The following RAD21L1 variants were observed in gnomAD, a reference collection of about 807,000 sequenced individuals.
The protein encoded by RAD21L1 is double-strand-break repair protein rad21-like protein 1.
RAD21L1 carries 47 observed loss-of-function variants against 69.0 expected under a neutral mutation model. The ratio of observed to expected loss-of-function variants is 0.68; its 90% CI spans 0.54 to 0.87. The LOEUF (loss-of-function observed/expected upper bound fraction) is 0.87. Among genes scored for constraint, RAD21L1 ranks in the 40% least tolerant of loss-of-function variants. The probability of loss-of-function intolerance (pLI) is 0.00; values close to 1 mark genes in which losing one functional copy is unlikely to be tolerated. For synonymous variants in RAD21L1, 177 were observed against 205.8 expected (o/e 0.86, Z 1.20); for missense variants, 583 against 647.6 (o/e 0.90, Z 1.08).
At chr20:1,249,567 A>G (rs1012671511) in intron 13 of RAD21L1, among the ~76,000 whole-genome samples, 2 of 152,210 alleles carry the variant, frequency 1.3e-5, no homozygotes, top group African/African-American at 4.8e-5. Context: ...TACTCCAATC[A>G]GTAACAAAAT....
At chr20:1,234,596 A>G (rs1023420107) in intron 5 of RAD21L1, among the ~76,000 whole-genome samples, 2 of 152,240 alleles carry the variant, frequency 1.3e-5, no homozygotes, top group African/African-American at 4.8e-5. Context: ...TTCTTCTGGT[A>G]TATGATAATA....
At position 1,237,848 on chromosome 20, in the gene RAD21L1, G is replaced by A. The variant is rs373480338; in HGVS notation, c.476-196G>A. Reference sequence around the variant, plus strand: ...CATTTTTTCCATTGTATTTGAAAGGGCATTAGACTAAAAATCATGTCTCTA... The same window carrying A: ...CATTTTTTCCATTGTATTTGAAAGGACATTAGACTAAAAATCATGTCTCTA... On this transcript the variant is annotated intron_variant, in intron 5 of 13. Coordinates refer to ENST00000683101, the MANE Select transcript of RAD21L1 (RefSeq NM_001384355.1). Among the ~76,000 whole-genome samples, 249 of 152,204 alleles carry A rather than the reference G, an allele frequency of 1.6e-3. 3 individuals carry two copies. The South Asian group carries it at 0.048, about 29-fold the overall frequency.
Position 1,228,460 on chromosome 20 carries a change from T to C in RAD21L1, c.7T>C (p.Tyr3His). 6.5e-7 allele frequency: 1 copy of C among 1,536,578 alleles called. No individual in the cohort carries two copies. The highest frequency in any genetic ancestry group is 2.1e-5 in the Admixed American group (1 of 46,956). ...AGTAAGGAACACAGGCAACATGTTC[T>C]ACACACATGTGCTTATGAGTAAACG... MF[Y>H]THVLMSKRGP... Residue 3 changes from tyrosine (Y) to histidine (H), a missense_variant, in exon 2 of 14, where the codon TAC becomes CAC. Transcript: ENST00000683101.
Position 1,238,911 on chromosome 20 carries a change from C to T in RAD21L1, c.647-401C>T, listed in dbSNP as rs1600222770. 1.3e-5 allele frequency among the ~76,000 whole-genome samples: 2 copies of T among 152,238 alleles called. 1 individual carries two copies. The highest frequency in any genetic ancestry group is 4.8e-5 in the African/African-American group (2 of 41,538). On this transcript the variant is annotated intron_variant, in intron 6 of 13. Transcript: ENST00000683101. Reference sequence around the variant, plus strand: ...CCATCTTGGCTCAATGCAACCTCTGCCACCTGGGTTCAAGTGATTCTTCTG... The same window carrying T: ...CCATCTTGGCTCAATGCAACCTCTGTCACCTGGGTTCAAGTGATTCTTCTG...
intron 5 of RAD21L1, among the ~76,000 whole-genome samples, chr20:1,234,451 C>T (rs2087455203): frequency 1.3e-5 from 2 of 152,068 alleles, no homozygotes; most frequent in Admixed American, 6.5e-5. Context: ...CAGGGCAGTA[C>T]CAAAATTTAA....
At chr20:1,237,978 A>AAG in intron 5 of RAD21L1, 66 bp from the exon 6 acceptor site, 1 of 843,716 alleles carries the variant, frequency 1.2e-6, no homozygotes, top group South Asian at 3.0e-5. Flanking sequence ...ATGATATCTG[A>AAG]ATTTCCTTCT....
chr20:1,228,638 C>G, intron 2 of RAD21L1, 41 bp downstream of exon 2: 1 of 1,367,204 alleles, frequency 7.3e-7, no homozygotes, highest in Non-Finnish European at 9.8e-7. Context: ...TTTATCATGA[C>G]TTTGGAGGAG....
chr20:1,246,514 T>C lies in RAD21L1; in HGVS notation c.1401+209T>C, dbSNP rs973592769. ...TTTTTTGTCTTTCTTTAATTTCTTT[T>C]GAAACTTCAAATACTTTTAAGGGAA... On this transcript the variant is annotated intron_variant, in intron 12 of 13. Coordinates refer to ENST00000683101, the MANE Select transcript of RAD21L1 (RefSeq NM_001384355.1). The surrounding 1 kb of genome is among the most constrained non-coding windows in gnomAD (Gnocchi z 4.6). Among the ~76,000 whole-genome samples, 1 of 152,190 alleles carries C rather than the reference T, an allele frequency of 6.6e-6. No homozygotes were observed. Among genetic ancestry groups the C allele is most frequent in the Non-Finnish European group, 1.5e-5 (1 of 68,012 alleles).
chr20:1,231,984 A>G (rs1441926022), intron 4 of RAD21L1, among the ~76,000 whole-genome samples: 1 of 152,232 alleles, frequency 6.6e-6, no homozygotes, highest in East Asian at 1.9e-4. Flanking sequence ...GAATAAATAT[A>G]TGTCAGGAAA....
intron 8 of RAD21L1, 68 bp downstream of exon 8, chr20:1,240,502 G>C (rs2087585347): frequency 6.7e-7 from 1 of 1,484,134 alleles, no homozygotes; most frequent in African/African-American, 1.4e-5. Context: ...TGAGATGTTT[G>C]AATAATCACT....
Position 1,238,174 on chromosome 20 carries a change from A to G in RAD21L1, c.606A>G (p.Gly202=). Residue 202 remains glycine, a synonymous_variant, in exon 6 of 14, where the codon GGA becomes GGG. Coordinates refer to ENST00000683101, the MANE Select transcript of RAD21L1 (RefSeq NM_001384355.1). ...TGERSLFYDS[G]DGFGDEGAAG... The stretch of plus-strand genomic sequence containing the variant: ...AACGATCTCTATTCTATGACAGTGG[A>G]GATGGGTTTGGAGATGAAGGAGCTG... The G allele has an allele frequency of 6.5e-7, 1 of 1,533,082 alleles. No individual in the cohort carries two copies. Among genetic ancestry groups the G allele is most frequent in the Admixed American group, 2.0e-5 (1 of 50,882 alleles). The allele number at this position is 1,533,082 out of a possible 1,614,324, so 95.0% of individuals were successfully genotyped here. A position where few individuals can be genotyped will look rare whatever the true frequency, so the allele number is the denominator to read the frequency against.
At chr20:1,230,447 A>G (rs969155038) in intron 3 of RAD21L1, 22 of 600,490 alleles carry the variant, frequency 3.7e-5, no homozygotes, top group Non-Finnish European at 4.4e-5. Context: ...ATTCCTAAGC[A>G]TTCCAAAGTG....
At chr20:1,232,868 AAG>A (rs1309348098) in intron 4 of RAD21L1, among the ~76,000 whole-genome samples, 2 of 152,204 alleles carry the variant, frequency 1.3e-5, no homozygotes, top group African/African-American at 4.8e-5. Flanking sequence ...ATTAGGTCAT[AAG>A]AGAGGTGATT....
chr20:1,232,775 C>T (rs906109173), intron 4 of RAD21L1, among the ~76,000 whole-genome samples: 6 of 152,128 alleles, frequency 3.9e-5, no homozygotes, highest in African/African-American at 1.4e-4. Flanking sequence ...GAAACCTAAC[C>T]TTCAAGGTGA....
intron 13 of RAD21L1, among the ~76,000 whole-genome samples, chr20:1,252,069 T>C (rs985330463): frequency 2.0e-5 from 3 of 152,214 alleles, no homozygotes; most frequent in African/African-American, 7.2e-5. Context: ...ACTGATCTGC[T>C]TCCTCTCACT....
chr20:1,248,168 T>C (rs748265007), intron 12 of RAD21L1, among the ~76,000 whole-genome samples: 1 of 150,134 alleles, frequency 6.7e-6, no homozygotes, highest in Admixed American at 6.6e-5. Flanking sequence ...GTACACAAAC[T>C]ACTAGACAGC....
Position 1,246,057 on chromosome 20 carries a change from T to C in RAD21L1, c.1309-156T>C, listed in dbSNP as rs1299504757. 6.6e-6 allele frequency among the ~76,000 whole-genome samples: 1 copy of C among 152,112 alleles called. No individual in the cohort carries two copies. Among genetic ancestry groups the C allele is most frequent in the Non-Finnish European group, 1.5e-5 (1 of 68,018 alleles). On this transcript the variant is annotated intron_variant, in intron 11 of 13. Coordinates refer to ENST00000683101, the MANE Select transcript of RAD21L1 (RefSeq NM_001384355.1). The surrounding 1 kb of genome is among the most constrained non-coding windows in gnomAD (Gnocchi z 4.6). The stretch of plus-strand genomic sequence containing the variant: ...ACATTTAAGTCAAAGACTGCCTATC[T>C]GGGGTATTTCAGAGATAATATTTTG...
rs1270076454 is a variant in RAD21L1 at position 1,246,256 on chromosome 20, T to C, written c.1352T>C (p.Leu451Ser). The C allele has an allele frequency of 2.6e-6, 4 of 1,542,698 alleles. No individual in the cohort carries two copies. Among genetic ancestry groups the C allele is most frequent in the Non-Finnish European group, 2.6e-6 (3 of 1,142,952 alleles). The change falls in exon 12 of 14, where the codon TTA becomes TCA. Residue 451 changes from leucine to serine, a missense_variant. Leu to Ser is a moderately radical substitution (Grantham distance 145). Transcript: ENST00000683101. This position sits in a 1 kb window ranked among gnomAD's most constrained non-coding sequence, Gnocchi z 4.6. ...MVSLAAEESS[L>S]MNDLFAQEIE... is the part of the protein sequence containing the mutation. Reference sequence around the variant, plus strand: ...TCTTTAGCTGCTGAGGAATCATCTTTAATGAATGACTTATTTGCACAAGAA... The same window carrying C: ...TCTTTAGCTGCTGAGGAATCATCTTCAATGAATGACTTATTTGCACAAGAA...
At chr20:1,231,411 G>C (rs1053590486) in intron 3 of RAD21L1, 115 bp from the exon 4 acceptor site, 1 of 662,404 alleles carries the variant, frequency 1.5e-6, no homozygotes, top group African/African-American at 1.9e-5. Context: ...GGAGTAGATA[G>C]AGGAAAACTA....
Sources: allele counts gnomAD v4.1 joint callset (sites outside exome capture counted in the v4.1 genomes callset), GRCh38; gene constraint gnomAD v4.1.1; non-coding constraint Gnocchi (gnomAD v3.1); transcripts MANE v1.5; gene names NCBI Gene and HGNC (gene_info 2026-07-23, HGNC 2026-07-21).